The following DLG2 variants were observed in gnomAD, a reference collection of about 807,000 sequenced individuals.
DLG2 encodes the protein discs large MAGUK scaffold protein 2.
Under a neutral mutation model 132.5 loss-of-function variants are expected in DLG2, and 45 were observed. That is an observed-to-expected ratio of 0.34 (90% confidence interval 0.27 to 0.44). The LOEUF (loss-of-function observed/expected upper bound fraction) is 0.44. Among genes scored for constraint, DLG2 ranks in the 20% least tolerant of loss-of-function variants. The pLI is 1.00. For missense variants in DLG2, 1,045 were observed against 1,196.9 expected, an observed-to-expected ratio of 0.87 and a Z score of 1.87; for synonymous variants, 424 against 419.6, an observed-to-expected ratio of 1.01 and a Z score of -0.13.
chr11:84,607,173 G>A (rs1177248429), intron 6 of DLG2, among the ~76,000 whole-genome samples: 5 of 152,030 alleles, frequency 3.3e-5, no homozygotes, highest in African/African-American at 4.8e-5. Context: ...ATGTCTTACT[G>A]TAAAAGAGAA....
chr11:84,810,420 G>A (rs1192093148), intron 6 of DLG2, among the ~76,000 whole-genome samples: 4 of 152,058 alleles, frequency 2.6e-5, no homozygotes, highest in Non-Finnish European at 4.4e-5. Context: ...CTAAGGACAT[G>A]CAAATTAAAA....
chr11:85,525,477 A>G (rs1466297797), intron 3 of DLG2, among the ~76,000 whole-genome samples: 3 of 152,230 alleles, frequency 2.0e-5, no homozygotes, highest in Admixed American at 2.0e-4. Context: ...AGATTTTTAA[A>G]GGAATATACG....
intron 18 of DLG2, among the ~76,000 whole-genome samples, chr11:83,672,540 A>G (rs1020011599): frequency 1.3e-5 from 2 of 152,176 alleles, no homozygotes; most frequent in African/African-American, 4.8e-5. Context: ...AAGATTGCTC[A>G]GTGTACTCCT....
intron 10 of DLG2, among the ~76,000 whole-genome samples, chr11:84,093,749 G>C (rs997069938): frequency 6.6e-6 from 1 of 151,784 alleles, no homozygotes; most frequent in Non-Finnish European, 1.5e-5. Context: ...TGAGTAGCTG[G>C]GATTACAGGC....
intron 7 of DLG2, among the ~76,000 whole-genome samples, chr11:84,440,942 A>G (rs372890188): frequency 2.0e-5 from 3 of 152,212 alleles, no homozygotes; most frequent in African/African-American, 7.2e-5. Flanking sequence ...CCAAAATTCA[A>G]TCCAAGGAAT....
chr11:85,594,132 T>C (rs2079562069), intron 3 of DLG2, among the ~76,000 whole-genome samples: 1 of 152,162 alleles, frequency 6.6e-6, no homozygotes, highest in Non-Finnish European at 1.5e-5. Flanking sequence ...TGCTTTTTAG[T>C]AATATGAAAA....
chr11:84,452,997 T>C (rs2099055819), intron 7 of DLG2, among the ~76,000 whole-genome samples: 2 of 151,802 alleles, frequency 1.3e-5, no homozygotes, highest in African/African-American at 4.8e-5. Flanking sequence ...CCAATCACCC[T>C]GATTTGATTA....
At chr11:85,286,193 G>A (rs973160238) in intron 3 of DLG2, 2 of 387,102 alleles carry the variant, frequency 5.2e-6, no homozygotes, top group Non-Finnish European at 9.9e-6. Flanking sequence ...GTCCTGTTGG[G>A]TACAGATGAA....
intron 9 of DLG2, among the ~76,000 whole-genome samples, chr11:84,126,114 G>T (rs1259964444): frequency 6.6e-6 from 1 of 152,154 alleles, no homozygotes; most frequent in Non-Finnish European, 1.5e-5. Context: ...GTAAGAACTG[G>T]AGTGTAACTC....
rs114105925 is a variant in DLG2, at chr11:83,858,135, A to G, written c.1565+16285T>C. On this transcript the variant is annotated intron_variant, in intron 16 of 27. Coordinates refer to ENST00000376104, the MANE Select transcript of DLG2 (RefSeq NM_001142699.3). ...GAAGCTGGGGCACCCCAAATATGCA[A>G]CGTGTCTGTTTTGCTGAGTACGAGT... Among the ~76,000 whole-genome samples, 1,445 of 152,282 alleles carry G rather than the reference A, an allele frequency of 9.5e-3. 20 individuals carry two copies. Among genetic ancestry groups the G allele is most frequent in the African/African-American group, 0.033 (1,371 of 41,562 alleles).
chr11:83,783,488 G>A (rs2094919413), intron 18 of DLG2, among the ~76,000 whole-genome samples: 1 of 152,040 alleles, frequency 6.6e-6, no homozygotes, highest in Non-Finnish European at 1.5e-5. Context: ...TGTCTTTGAA[G>A]CAAAAATGAA....
intron 10 of DLG2, among the ~76,000 whole-genome samples, chr11:84,065,169 C>T (rs1256000592): frequency 6.6e-6 from 1 of 152,150 alleles, no homozygotes; most frequent in Non-Finnish European, 1.5e-5. Flanking sequence ...GCAAAGATTT[C>T]ATGATAAAGA....
At chr11:84,079,878 T>G (rs1467619952) in intron 10 of DLG2, among the ~76,000 whole-genome samples, 1 of 152,174 alleles carries the variant, frequency 6.6e-6, no homozygotes, top group Non-Finnish European at 1.5e-5. Flanking sequence ...GGGCATGCAT[T>G]CTCTGCCTGA....
chr11:83,794,114 T>C (rs2042206606), intron 17 of DLG2, among the ~76,000 whole-genome samples: 1 of 152,230 alleles, frequency 6.6e-6, no homozygotes, highest in Non-Finnish European at 1.5e-5. Flanking sequence ...TCTTTTTCAC[T>C]GGACCAATAA....
chr11:83,739,232 T>G (rs1387901327), intron 18 of DLG2, among the ~76,000 whole-genome samples: 1 of 152,174 alleles, frequency 6.6e-6, no homozygotes, highest in Non-Finnish European at 1.5e-5. Context: ...TGTAATAATC[T>G]GAAAAGTGGC....
chr11:84,531,487 GATAAATAA>G (rs570070013), intron 7 of DLG2, among the ~76,000 whole-genome samples: 14 of 151,988 alleles, frequency 9.2e-5, no homozygotes, highest in Admixed American at 9.2e-4. Context: ...ACAAGTTTAA[GATAAATAA>G]ATAAATAAAT....
At chr11:84,915,392 T>C (rs1287968899) in intron 6 of DLG2, among the ~76,000 whole-genome samples, 1 of 152,258 alleles carries the variant, frequency 6.6e-6, no homozygotes, top group African/African-American at 2.4e-5. Flanking sequence ...GTATTGCTTT[T>C]TAAAACATAC....
At chr11:84,402,407 G>T (rs1352573535) in intron 7 of DLG2, among the ~76,000 whole-genome samples, 1 of 152,136 alleles carries the variant, frequency 6.6e-6, no homozygotes, top group Admixed American at 6.5e-5. Context: ...AAGGCTGATT[G>T]ATATTAAGTG....
At chr11:84,263,930 T>C (rs1050357988) in intron 7 of DLG2, among the ~76,000 whole-genome samples, 53 of 152,304 alleles carry the variant, frequency 3.5e-4, no homozygotes, top group African/African-American at 1.3e-3. Flanking sequence ...CAATGGCACT[T>C]GGGCGCTCAT....
Sources: gnomAD v4.1 joint callset for allele counts (sites outside exome capture counted in the v4.1 genomes callset) on GRCh38, gnomAD v4.1.1 for gene constraint, MANE v1.5 for transcripts, NCBI Gene and HGNC (gene_info 2026-07-23, HGNC 2026-07-21) for gene names.